The following TNIK variants were observed in gnomAD, a reference collection of about 807,000 sequenced individuals.
TNIK encodes TRAF2 and NCK interacting kinase.
Under a neutral mutation model 191.3 loss-of-function variants are expected in TNIK, and 49 were observed. The observed-to-expected ratio is 0.26, with a 90% CI of 0.20 to 0.32. TNIK has a LOEUF of 0.32. Among genes scored for constraint, TNIK ranks in the 10% least tolerant of loss-of-function variants. The probability of loss-of-function intolerance (pLI) is 1.00; values close to 1 mark genes in which losing one functional copy is unlikely to be tolerated. For synonymous variants in TNIK, 594 were observed against 600.9 expected, an observed-to-expected ratio of 0.99 and a Z score of 0.17; for missense variants, 1,155 against 1,702.3, an observed-to-expected ratio of 0.68 and a Z score of 5.66.
intron 9 of TNIK, among the ~76,000 whole-genome samples, chr3:171,174,035 AAGG>A (rs1735668249): frequency 1.3e-5 from 2 of 152,120 alleles, no homozygotes; most frequent in Non-Finnish European, 1.5e-5. Context: ...TCTGCAGAGG[AAGG>A]AGGAGCAGGG....
chr3:171,367,728 C>T (rs754032188), intron 2 of TNIK, among the ~76,000 whole-genome samples: 1 of 152,142 alleles, frequency 6.6e-6, no homozygotes, highest in Non-Finnish European at 1.5e-5. Flanking sequence ...CCTTGGCCTC[C>T]CAAAGTGCTG....
At chr3:171,264,135 C>T (rs1358315472) in intron 2 of TNIK, among the ~76,000 whole-genome samples, 1 of 143,136 alleles carries the variant, frequency 7.0e-6, no homozygotes, top group Non-Finnish European at 1.5e-5. Context: ...TATATATACA[C>T]CCCTTACCTG....
rs1057520155 is a variant in TNIK, at chr3:171,066,728, C to T, written c.3707G>A (p.Gly1236Asp). 3 of 1,612,938 alleles carry T rather than the reference C, an allele frequency of 1.9e-6. No homozygotes were observed. Among genetic ancestry groups the T allele is most frequent in the Non-Finnish European group, 2.5e-6 (3 of 1,179,548 alleles). Residue 1236 changes from glycine to aspartate, a missense_variant, in exon 31 of 33, where the codon GGC becomes GAC. By Grantham distance (94) the Gly-to-Asp change is moderately conservative. This residue lies in a region of TNIK where 195 missense variants were observed against 415.4 expected (regional missense o/e 0.47). Transcript: ENST00000436636. ...GACAATAGCATGAGGAGTGATATTGCCCTGAATCTAGAAGACAAAGAAAAG... is the reference window on the plus strand; with the variant it reads ...GACAATAGCATGAGGAGTGATATTGTCCTGAATCTAGAAGACAAAGAAAAG... ...YDIYIPSHIQ[G>D]NITPHAIVIL...
chr3:171,452,990 A>T (rs958640110), intron 1 of TNIK, among the ~76,000 whole-genome samples: 6 of 152,272 alleles, frequency 3.9e-5, no homozygotes, highest in African/African-American at 1.2e-4. Flanking sequence ...CCCAGGAGTC[A>T]TGCAACCTAG....
At chr3:171,302,005 G>A (rs546216209) in intron 2 of TNIK, among the ~76,000 whole-genome samples, 13 of 152,260 alleles carry the variant, frequency 8.5e-5, no homozygotes, top group Admixed American at 4.6e-4. Flanking sequence ...ATAAATTGGC[G>A]AAATGTTCAC....
chr3:171,180,646 T>C (rs970568510), intron 7 of TNIK, among the ~76,000 whole-genome samples: 2 of 152,146 alleles, frequency 1.3e-5, no homozygotes, highest in Non-Finnish European at 2.9e-5. Context: ...TCTTTGCAGA[T>C]CACCTAGCCA....
chr3:171,347,020 C>T lies in TNIK; in HGVS notation c.123+22600G>A, dbSNP rs141119977. 1,084 of 952,590 alleles carry T rather than the reference C, an allele frequency of 1.1e-3. 7 individuals carry two copies. In the African/African-American group the frequency reaches 0.016, roughly 14 times the overall value. 59.0% of individuals were successfully genotyped at this position (952,590 alleles called of 1,614,324 possible). ...AGGATAACATCAAGGGACAGTCCTG[C>T]AGGCGTTCATATGAGAGATGTGCAA... On this transcript the variant is annotated intron_variant, in intron 2 of 32. Coordinates refer to ENST00000436636, the MANE Select transcript of TNIK (RefSeq NM_015028.4).
At chr3:171,309,498 T>C (rs1424530347) in intron 2 of TNIK, among the ~76,000 whole-genome samples, 2 of 152,178 alleles carry the variant, frequency 1.3e-5, no homozygotes, top group African/African-American at 2.4e-5. Context: ...ACCAAACCCC[T>C]GAAGCATGCA....
intron 26 of TNIK, among the ~76,000 whole-genome samples, chr3:171,082,906 C>T (rs1386264108): frequency 6.6e-6 from 1 of 152,142 alleles, no homozygotes; most frequent in East Asian, 1.9e-4. Flanking sequence ...ATGCCCCATA[C>T]CCTCAAGTTT....
At chr3:171,267,388 T>A (rs1017190808) in intron 2 of TNIK, among the ~76,000 whole-genome samples, 1 of 152,138 alleles carries the variant, frequency 6.6e-6, no homozygotes, top group Non-Finnish European at 1.5e-5. Context: ...TGAAACAAGA[T>A]ACAGCAAAGG....
At chr3:171,452,067 C>A (rs1374692398) in intron 1 of TNIK, among the ~76,000 whole-genome samples, 1 of 152,188 alleles carries the variant, frequency 6.6e-6, no homozygotes, top group Non-Finnish European at 1.5e-5. Flanking sequence ...ACTTTAAAAT[C>A]TAGGGTTACT....
At chr3:171,434,647 A>G (rs1316601184) in intron 1 of TNIK, among the ~76,000 whole-genome samples, 2 of 151,928 alleles carry the variant, frequency 1.3e-5, no homozygotes, top group Non-Finnish European at 2.9e-5. Flanking sequence ...GTTTTTAGAG[A>G]CAGGGTCTTT....
At chr3:171,284,361 G>T (rs1750791505) in intron 2 of TNIK, among the ~76,000 whole-genome samples, 1 of 152,130 alleles carries the variant, frequency 6.6e-6, no homozygotes, top group African/African-American at 2.4e-5. Flanking sequence ...TGTGAAAAAT[G>T]TCCTCTCACA....
At chr3:171,284,298 C>T (rs1750784127) in intron 2 of TNIK, among the ~76,000 whole-genome samples, 1 of 152,204 alleles carries the variant, frequency 6.6e-6, no homozygotes, top group Non-Finnish European at 1.5e-5. Flanking sequence ...AGAAGAAACA[C>T]ACTCCGTTCA....
chr3:171,312,928 C>T (rs868500164), intron 2 of TNIK, among the ~76,000 whole-genome samples: 12 of 152,088 alleles, frequency 7.9e-5, no homozygotes, highest in Admixed American at 7.2e-4. Flanking sequence ...TCTTGGACCA[C>T]AGCGTGCCAT....
At chr3:171,328,589 G>A (rs1407347685) in intron 2 of TNIK, among the ~76,000 whole-genome samples, 1 of 152,192 alleles carries the variant, frequency 6.6e-6, no homozygotes, top group Non-Finnish European at 1.5e-5. Flanking sequence ...AGTGTAATGG[G>A]TTTAATAAAT....
chr3:171,152,318 A>C (rs1732553382), intron 12 of TNIK, among the ~76,000 whole-genome samples: 1 of 152,098 alleles, frequency 6.6e-6, no homozygotes, highest in Non-Finnish European at 1.5e-5. Flanking sequence ...GGAAGAATGC[A>C]TGGTAACAGA....
intron 2 of TNIK, among the ~76,000 whole-genome samples, chr3:171,254,067 C>T (rs1447039178): frequency 6.6e-6 from 1 of 152,090 alleles, no homozygotes; most frequent in Non-Finnish European, 1.5e-5. Flanking sequence ...TTAATTCATC[C>T]CAAAGTGCAA....
intron 2 of TNIK, among the ~76,000 whole-genome samples, chr3:171,245,961 T>C (rs957796992): frequency 6.6e-6 from 1 of 152,008 alleles, no homozygotes; most frequent in Non-Finnish European, 1.5e-5. Flanking sequence ...GGGGAGCAGA[T>C]GAAGAACGGA....
Sources: gnomAD v4.1 joint callset for allele counts (sites outside exome capture counted in the v4.1 genomes callset) on GRCh38, gnomAD v4.1.1 for gene constraint, gnomAD v4.1.1 regional missense constraint, MANE v1.5 for transcripts, NCBI Gene and HGNC (gene_info 2026-07-23, HGNC 2026-07-21) for gene names.